The following PTPRQ variants were observed in gnomAD, a reference collection of about 807,000 sequenced individuals.
The protein encoded by PTPRQ is protein tyrosine phosphatase receptor type Q.
Under a neutral mutation model 246.0 loss-of-function variants are expected in PTPRQ, and 199 were observed. The ratio of observed to expected loss-of-function variants is 0.81; its 90% confidence interval spans 0.72 to 0.91. The LOEUF (loss-of-function observed/expected upper bound fraction) is 0.91. PTPRQ is among the 40% of genes least tolerant of loss of function. The pLI is 0.00. For missense variants in PTPRQ, 2,624 were observed against 2,528.4 expected, an observed-to-expected ratio of 1.04 and a Z score of -0.81; for synonymous variants, 869 against 853.2, an observed-to-expected ratio of 1.02 and a Z score of -0.32.
chr12:80,586,003 C>A (rs1276851373), intron 25 of PTPRQ, among the ~76,000 whole-genome samples: 97 of 149,820 alleles, frequency 6.5e-4, no homozygotes, highest in South Asian at 8.5e-4. Flanking sequence ...TTTGTTCTTG[C>A]GATAGTTTAC....
At chr12:80,608,799 G>A (rs1295236697) in intron 27 of PTPRQ, among the ~76,000 whole-genome samples, 3 of 150,254 alleles carry the variant, frequency 2.0e-5, no homozygotes, top group African/African-American at 7.3e-5. Flanking sequence ...CAATTGAGTG[G>A]GGCTCCAATG....
At chr12:80,621,742 G>T (rs1898999284) in intron 32 of PTPRQ, among the ~76,000 whole-genome samples, 1 of 151,984 alleles carries the variant, frequency 6.6e-6, no homozygotes. Context: ...ACCCTTCACA[G>T]ATATCAAATC....
intron 17 of PTPRQ, among the ~76,000 whole-genome samples, chr12:80,523,883 G>A (rs1273859124): frequency 6.6e-6 from 1 of 152,130 alleles, no homozygotes; most frequent in African/African-American, 2.4e-5. Context: ...TATTAGGTCT[G>A]CTTGGTGCAG....
chr12:80,616,331 C>T, intron 30 of PTPRQ, 65 bp downstream of exon 30: 1 of 1,402,850 alleles, frequency 7.1e-7, no homozygotes. Flanking sequence ...AAATTCCATA[C>T]TTGAAATAAG....
intron 6 of PTPRQ, among the ~76,000 whole-genome samples, chr12:80,463,914 T>G (rs1447423039): frequency 6.6e-6 from 1 of 151,740 alleles, no homozygotes. Context: ...TGCAAAATCA[T>G]GCCAAAATGT....
intron 8 of PTPRQ, among the ~76,000 whole-genome samples, chr12:80,475,737 C>G (rs192713175): frequency 6.6e-6 from 1 of 152,102 alleles, no homozygotes; most frequent in East Asian, 1.9e-4. Flanking sequence ...ACCACTTAAT[C>G]TTTACCTGGA....
At chr12:80,620,664 T>C (rs1175486609) in intron 32 of PTPRQ, among the ~76,000 whole-genome samples, 1 of 151,836 alleles carries the variant, frequency 6.6e-6, no homozygotes, top group Non-Finnish European at 1.5e-5. Flanking sequence ...CATAGGTATA[T>C]AGGAGAATTT....
intron 8 of PTPRQ, among the ~76,000 whole-genome samples, chr12:80,477,678 T>C (rs567789634): frequency 2.6e-5 from 4 of 152,040 alleles, no homozygotes; most frequent in South Asian, 4.2e-4. Context: ...GCGCACCGTG[T>C]GCGAGCCGAA....
intron 7 of PTPRQ, among the ~76,000 whole-genome samples, chr12:80,471,281 C>T (rs1170294241): frequency 2.0e-5 from 3 of 151,882 alleles, no homozygotes; most frequent in African/African-American, 7.3e-5. Flanking sequence ...TTTGGGGTGG[C>T]TGCAGGGGAA....
Position 80,444,776 on chromosome 12 carries a change from C to G in PTPRQ, c.90C>G (p.Tyr30Ter). The change falls in exon 2 of 45, where the codon TAC becomes TAG. Residue 30 changes from tyrosine to a stop codon, truncating the protein, a stop_gained. Transcript: ENST00000644991. LOFTEE classifies it high-confidence loss of function. Reference protein sequence around the residue: ...DVSNVVPGTRYDITISSISTT... With the variant: ...DVSNVVPGTR Reference sequence around the variant, plus strand: ...CCAATGTCGTTCCTGGTACTAGGTACGATATAACCATCTCTTCAATTTCTA... The same window carrying G: ...CCAATGTCGTTCCTGGTACTAGGTAGGATATAACCATCTCTTCAATTTCTA... 6.5e-7 allele frequency: 1 copy of G among 1,539,348 alleles called. No homozygotes were observed. Among genetic ancestry groups the G allele is most frequent in the South Asian group, 1.2e-5 (1 of 83,562 alleles).
Position 80,678,623 on chromosome 12 carries a change from C to T in PTPRQ, c.6760C>T (p.Gln2254Ter). ...QNLAQYIFLH[Q>*]CILDLLSNKG... ...CTAGGCACAGTATATCTTTTTACAC[C>T]AGTGCATTCTGGATCTCTTATCAAA... The change falls in exon 44 of 45, where the codon CAG (glutamine) becomes TAG (stop). Residue 2254 changes from glutamine (Q) to a stop codon, truncating the protein, a stop_gained. Coordinates refer to ENST00000644991, the MANE Select transcript of PTPRQ (RefSeq NM_001145026.2). LOFTEE classifies it high-confidence loss of function. 6.5e-7 allele frequency: 1 copy of T among 1,549,718 alleles called. No homozygotes were observed. Among genetic ancestry groups the T allele is most frequent in the South Asian group, 1.2e-5 (1 of 83,804 alleles).
At position 80,640,087 on chromosome 12, in the gene PTPRQ, G is replaced by A. The variant is rs1206263852; in HGVS notation, c.5915+5014G>A. Among the ~76,000 whole-genome samples, 5 of 151,046 alleles carry A rather than the reference G, an allele frequency of 3.3e-5. No homozygotes were observed. In the Admixed American group the frequency reaches 3.3e-4, roughly 10 times the overall value. On this transcript the variant is annotated intron_variant, in intron 35 of 44. Coordinates refer to ENST00000644991, the MANE Select transcript of PTPRQ (RefSeq NM_001145026.2). ...GTGTTTAACTTCGAAGCATACTAGA[G>A]AAGATTAATGTAAACTTTCTTAAAT...
At chr12:80,530,643 G>T (rs1895818353) in intron 17 of PTPRQ, among the ~76,000 whole-genome samples, 1 of 152,132 alleles carries the variant, frequency 6.6e-6, no homozygotes, top group Non-Finnish European at 1.5e-5. Flanking sequence ...GAACAAACAT[G>T]TAAGAAGACA....
chr12:80,641,914 T>A (rs1295582421), intron 35 of PTPRQ, among the ~76,000 whole-genome samples: 1 of 151,724 alleles, frequency 6.6e-6, no homozygotes, highest in Non-Finnish European at 1.5e-5. Flanking sequence ...TCTCTTTCTC[T>A]CCCTCCTTCC....
chr12:80,477,623 G>A (rs998437336), intron 8 of PTPRQ, among the ~76,000 whole-genome samples: 1 of 152,112 alleles, frequency 6.6e-6, no homozygotes, highest in Non-Finnish European at 1.5e-5. Flanking sequence ...GAGGTACCGG[G>A]TTCATCTCAC....
chr12:80,519,529 G>A (rs1026178809), intron 17 of PTPRQ, among the ~76,000 whole-genome samples: 6 of 152,096 alleles, frequency 3.9e-5, no homozygotes, highest in Non-Finnish European at 8.8e-5. Flanking sequence ...CCGGAGATGG[G>A]CACTTTGAAG....
intron 33 of PTPRQ, among the ~76,000 whole-genome samples, 193 bp downstream of exon 33, chr12:80,622,327 G>A (rs1592727645): frequency 3.3e-5 from 5 of 152,124 alleles, no homozygotes; most frequent in Admixed American, 3.3e-4. Flanking sequence ...GTGAAGGTTT[G>A]TTACACAAAC....
intron 32 of PTPRQ, 53 bp from the exon 33 acceptor site, chr12:80,622,008 A>G: frequency 8.8e-7 from 1 of 1,140,430 alleles, no homozygotes; most frequent in Non-Finnish European, 1.2e-6. Context: ...AGTTATTCAT[A>G]GGAAAAATCA....
In PTPRQ at chr12:80,613,437, T is replaced by C. The variant is rs528158349; in HGVS notation, c.4919-155T>C. ...TGTGAATTACAGATGTCAATGATTC[T>C]ATAATGCGTCAGTCATTTTGCTAGT... On this transcript the variant is annotated intron_variant, in intron 28 of 44. Transcript: ENST00000644991. Among the ~76,000 whole-genome samples the C allele has an allele frequency of 4.0e-5, 6 of 150,940 alleles. No individual in the cohort carries two copies. The South Asian group carries it at 8.3e-4, about 21-fold the overall frequency.
Sources: allele counts gnomAD v4.1 joint callset (sites outside exome capture counted in the v4.1 genomes callset), GRCh38; gene constraint gnomAD v4.1.1; transcripts MANE v1.5; gene names NCBI Gene and HGNC (gene_info 2026-07-23, HGNC 2026-07-21).